GNL2: variants seen among roughly 807,000 people sequenced by gnomAD.
GNL2 encodes nucleolar GTP-binding protein 2.
Under a neutral mutation model 92.3 loss-of-function variants are expected in GNL2, and 51 were observed. The observed-to-expected ratio is 0.55, with a 90% CI of 0.44 to 0.70. The LOEUF (loss-of-function observed/expected upper bound fraction) is 0.70, where lower values mean the gene tolerates loss of function less well. GNL2 is among the 30% of genes least tolerant of loss of function. GNL2 has a pLI of 0.00. For missense variants in GNL2, 844 were observed against 895.6 expected, an observed-to-expected ratio of 0.94 and a Z score of 0.74; for synonymous variants, 283 against 300.6, an observed-to-expected ratio of 0.94 and a Z score of 0.61.
intron 14 of GNL2, 101 bp downstream of exon 14, chr1:37,568,174 A>G (rs1570046008): frequency 1.4e-6 from 1 of 730,386 alleles, no homozygotes; most frequent in East Asian, 2.6e-5. Flanking sequence ...TATGACAAAC[A>G]TTTATGTGGA....
In GNL2 at chr1:37,595,909, C is replaced by T. The variant is rs1281117163; in HGVS notation, c.-87G>A. 5 of 1,094,852 alleles carry T rather than the reference C, an allele frequency of 4.6e-6. No individual in the cohort carries two copies. The Admixed American group carries it at 5.4e-5, about 12-fold the overall frequency. 67.8% of individuals were successfully genotyped at this position (1,094,852 alleles called of 1,614,324 possible). A position where few individuals can be genotyped will look rare whatever the true frequency, so the allele number is the denominator to read the frequency against. On this transcript the variant is annotated 5_prime_UTR_variant, in exon 1 of 16. Transcript: ENST00000373062. ...TGTTCCCAAGCCCGGCCGAAGACAC[C>T]CGCCTGAACCACGCCGGACCACGTG...
At chr1:37,574,861 G>A in intron 10 of GNL2, 38 bp from the exon 11 acceptor site, 3 of 1,503,812 alleles carry the variant, frequency 2.0e-6, no homozygotes, top group Non-Finnish European at 1.8e-6. Flanking sequence ...TACAAACTTT[G>A]TTGTGGAAGC....
intron 12 of GNL2, among the ~76,000 whole-genome samples, chr1:37,573,932 T>C (rs1268215349): frequency 2.6e-5 from 4 of 152,188 alleles, no homozygotes; most frequent in African/African-American, 9.7e-5. Flanking sequence ...TCTCCCTCTA[T>C]TGCCCAGGCT....
rs780915405 is a variant in GNL2, at chr1:37,582,238, C to G, written c.894G>C (p.Leu298=). 6.2e-7 allele frequency: 1 copy of G among 1,610,198 alleles called. No homozygotes were observed. Among genetic ancestry groups the G allele is most frequent in the Non-Finnish European group, 8.5e-7 (1 of 1,177,496 alleles). The change falls in exon 8 of 16, where the codon CTG becomes CTC. Residue 298 remains leucine, a synonymous_variant. Coordinates refer to ENST00000373062, the MANE Select transcript of GNL2 (RefSeq NM_013285.3). ...GGCTCAATACCTTTCCAAACTGCCG[C>G]AGAAGCTGAATGAATGCTCCCTTGC... is the stretch of plus-strand genomic sequence containing the variant. The part of the protein sequence containing the change: ...PFGKGAFIQL[L]RQFGKLHTDK...
intron 9 of GNL2, chr1:37,576,135 G>T: frequency 3.0e-6 from 1 of 337,500 alleles, no homozygotes; most frequent in Non-Finnish European, 5.4e-6. Flanking sequence ...AAATATTCTT[G>T]GGTTAGTTTT....
intron 8 of GNL2, chr1:37,581,211 AAAT>A: frequency 2.7e-6 from 1 of 369,826 alleles, no homozygotes; most frequent in South Asian, 2.0e-5. Flanking sequence ...ATATGGAGGA[AAAT>A]AACAGAACTA....
chr1:37,584,952 G>T (rs916212221), intron 5 of GNL2, among the ~76,000 whole-genome samples: 1 of 151,470 alleles, frequency 6.6e-6, no homozygotes, highest in African/African-American at 2.4e-5. Flanking sequence ...CGTGGTGGCG[G>T]GCACCTGTAA....
chr1:37,595,577 CCT>C (rs1643917208), intron 1 of GNL2, among the ~76,000 whole-genome samples, 180 bp downstream of exon 1: 1 of 152,228 alleles, frequency 6.6e-6, no homozygotes, highest in Non-Finnish European at 1.5e-5. Flanking sequence ...TCAGTTCCCC[CCT>C]GAGAAGAAAC....
In GNL2 at chr1:37,582,813, G is replaced by A. The variant is rs1259692548; in HGVS notation, c.760C>T (p.Leu254Phe). 6.2e-7 allele frequency: 1 copy of A among 1,613,586 alleles called. No individual in the cohort carries two copies. The highest frequency in any genetic ancestry group is 1.1e-5 in the South Asian group (1 of 91,072). ...EKPWKHLIFV[L>F]NKCDLVPTWA... ...GTTGGAACAAGGTCACATTTGTTAA[G>A]TACAAAAATGAGGTGTTTCCAAGGT... The change falls in exon 7 of 16, where the codon CTT (leucine) becomes TTT (phenylalanine). Residue 254 changes from leucine to phenylalanine, a missense_variant. Physicochemically the swap from Leu to Phe is conservative, Grantham distance 22. Coordinates refer to ENST00000373062, the MANE Select transcript of GNL2 (RefSeq NM_013285.3).
At chr1:37,587,844 AAATT>A (rs1472659895) in intron 4 of GNL2, among the ~76,000 whole-genome samples, 3 of 152,246 alleles carry the variant, frequency 2.0e-5, no homozygotes, top group Non-Finnish European at 4.4e-5. Flanking sequence ...ACAGTGGTGA[AAATT>A]AATCTTTTCC....
At chr1:37,583,718 C>A in intron 6 of GNL2, 149 bp downstream of exon 6, 1 of 558,104 alleles carries the variant, frequency 1.8e-6, no homozygotes, top group Non-Finnish European at 3.2e-6. Context: ...GTACGCCTTC[C>A]GAGTTTCTTT....
chr1:37,591,886 A>G (rs951606596), intron 3 of GNL2, among the ~76,000 whole-genome samples: 1 of 152,232 alleles, frequency 6.6e-6, no homozygotes, highest in African/African-American at 2.4e-5. Context: ...GAGAAAACTG[A>G]TGAACAGACA....
chr1:37,586,329 C>T (rs907403302), intron 5 of GNL2, among the ~76,000 whole-genome samples: 3 of 152,064 alleles, frequency 2.0e-5, no homozygotes, highest in African/African-American at 7.2e-5. Context: ...CCAGGCTGGT[C>T]TCAAACTCCT....
At position 37,593,747 on chromosome 1, in the gene GNL2, G is replaced by A. The variant is rs1015837854; in HGVS notation, c.149+15C>T. ...ATGAAGGAAAAGAGAAAGGATGACAGCACCCAGTGCTCACCTGCGCTCCTT... is the reference window on the plus strand; with the variant it reads ...ATGAAGGAAAAGAGAAAGGATGACAACACCCAGTGCTCACCTGCGCTCCTT... On this transcript the variant is annotated intron_variant, in intron 2 of 15. Transcript: ENST00000373062. The A allele has an allele frequency of 6.3e-7, 1 of 1,583,090 alleles. No homozygotes were observed. Among genetic ancestry groups the A allele is most frequent in the Non-Finnish European group, 8.7e-7 (1 of 1,152,162 alleles).
chr1:37,581,767 C>T (rs562131043), intron 8 of GNL2, among the ~76,000 whole-genome samples: 1 of 152,248 alleles, frequency 6.6e-6, no homozygotes, highest in Admixed American at 6.5e-5. Flanking sequence ...CAGGTTCAAG[C>T]GATTCTCCTG....
intron 12 of GNL2, chr1:37,570,259 T>C (rs1339562090): frequency 6.6e-6 from 1 of 152,160 alleles, no homozygotes; most frequent in Non-Finnish European, 1.5e-5. Context: ...TGGCCGGATG[T>C]GGTGGCTCAC....
At chr1:37,592,676 A>G in intron 3 of GNL2, 36 bp downstream of exon 3, 2 of 1,173,940 alleles carry the variant, frequency 1.7e-6, no homozygotes, top group South Asian at 2.5e-5. Flanking sequence ...CTCAGCATAT[A>G]TTTTGTAGAG....
chr1:37,584,418 G>T (rs11577072), intron 5 of GNL2, among the ~76,000 whole-genome samples: 7,709 of 148,298 alleles, frequency 0.052, 288 homozygotes, highest in Non-Finnish European at 0.077. Flanking sequence ...TACTGCTCCA[G>T]CCTGGGTGAC....
chr1:37,577,913 G>C (rs1468653058), intron 8 of GNL2, among the ~76,000 whole-genome samples: 4 of 152,120 alleles, frequency 2.6e-5, no homozygotes, highest in Non-Finnish European at 5.9e-5. Context: ...GACTTGAAAG[G>C]GATCCTGGAT....
Sources: gnomAD v4.1 joint callset for allele counts (sites outside exome capture counted in the v4.1 genomes callset) on GRCh38, gnomAD v4.1.1 for gene constraint, MANE v1.5 for transcripts, NCBI Gene and HGNC (gene_info 2026-07-23, HGNC 2026-07-21) for gene names.